The following TNR variants were observed in gnomAD, a reference collection of about 807,000 sequenced individuals.
TNR encodes tenascin R, also known as tenascin-R.
Under a neutral mutation model 150.4 loss-of-function variants are expected in TNR, and 45 were observed. The ratio of observed to expected loss-of-function variants is 0.30; its 90% confidence interval spans 0.24 to 0.38. The LOEUF (loss-of-function observed/expected upper bound fraction) is 0.38, where lower values mean the gene tolerates loss of function less well. Ranked by LOEUF, TNR falls within the 10% of genes least tolerant of loss-of-function variation. The probability of loss-of-function intolerance (pLI) is 1.00; values close to 1 mark genes in which losing one functional copy is unlikely to be tolerated. For synonymous variants in TNR, 687 were observed against 678.4 expected, an observed-to-expected ratio of 1.01 and a Z score of -0.20; for missense variants, 1,544 against 1,759.1, an observed-to-expected ratio of 0.88 and a Z score of 2.19.
chr1:175,519,453 A>T (rs1659548091), intron 2 of TNR, among the ~76,000 whole-genome samples: 1 of 152,176 alleles, frequency 6.6e-6, no homozygotes, highest in African/African-American at 2.4e-5. Context: ...AAAATGCATC[A>T]CCATGCTTCC....
chr1:175,689,968 C>A (rs1208514547), intron 1 of TNR, among the ~76,000 whole-genome samples: 1 of 152,136 alleles, frequency 6.6e-6, no homozygotes, highest in East Asian at 1.9e-4. Flanking sequence ...TTCATTGTTT[C>A]ATGTAATTGT....
chr1:175,604,810 C>A (rs1400715071), intron 1 of TNR, among the ~76,000 whole-genome samples: 1 of 152,126 alleles, frequency 6.6e-6, no homozygotes, highest in African/African-American at 2.4e-5. Flanking sequence ...ATTCTGTCAC[C>A]CTTTGCCGCA....
chr1:175,405,116 G>T (rs1239037094), intron 3 of TNR, among the ~76,000 whole-genome samples: 1 of 152,324 alleles, frequency 6.6e-6, no homozygotes, highest in South Asian at 2.1e-4. Flanking sequence ...TTGAACTCAA[G>T]ACAAATGCCT....
At chr1:175,414,880 C>CT (rs1439172056) in intron 2 of TNR, among the ~76,000 whole-genome samples, 3 of 151,192 alleles carry the variant, frequency 2.0e-5, no homozygotes, top group African/African-American at 4.9e-5. Context: ...TTTTCTTTTT[C>CT]TTTTTTTCCC....
intron 1 of TNR, among the ~76,000 whole-genome samples, chr1:175,593,789 T>C (rs77683605): frequency 0.17 from 25,277 of 151,982 alleles, 3,239 homozygotes; most frequent in African/African-American, 0.35. Context: ...GCCCAAGATA[T>C]TTGTTTTCTC....
chr1:175,564,652 T>C (rs1661566550), intron 1 of TNR, among the ~76,000 whole-genome samples: 1 of 151,488 alleles, frequency 6.6e-6, no homozygotes, highest in African/African-American at 2.4e-5. Context: ...CACATGAAAT[T>C]AAATGTTTAT....
intron 2 of TNR, among the ~76,000 whole-genome samples, chr1:175,425,188 A>ACC (rs1654917225): frequency 6.6e-6 from 1 of 152,186 alleles, no homozygotes; most frequent in South Asian, 2.1e-4. Flanking sequence ...ACAGCTCTGG[A>ACC]TTAGCACTAC....
At chr1:175,679,881 C>T (rs1665977853) in intron 1 of TNR, among the ~76,000 whole-genome samples, 1 of 152,192 alleles carries the variant, frequency 6.6e-6, no homozygotes, top group Non-Finnish European at 1.5e-5. Flanking sequence ...GATAGCAGTG[C>T]CAGTGAGATA....
At chr1:175,391,543 T>A in intron 6 of TNR, 105 bp from the exon 7 acceptor site, 1 of 1,315,746 alleles carries the variant, frequency 7.6e-7, no homozygotes, top group Non-Finnish European at 1.0e-6. Flanking sequence ...ATTGTGAATT[T>A]AAAATGGGGG....
intron 2 of TNR, among the ~76,000 whole-genome samples, chr1:175,439,627 C>T (rs1571441499): frequency 6.6e-6 from 1 of 152,200 alleles, no homozygotes. Flanking sequence ...ATCTATTCAT[C>T]TGACAAAGGA....
At chr1:175,426,737 T>C (rs1654983601) in intron 2 of TNR, among the ~76,000 whole-genome samples, 1 of 143,882 alleles carries the variant, frequency 7.0e-6, no homozygotes, top group East Asian at 2.0e-4. Flanking sequence ...TTGTCTAATG[T>C]GTGTTTATAT....
intron 1 of TNR, among the ~76,000 whole-genome samples, chr1:175,738,815 T>A (rs1368817038): frequency 6.6e-6 from 1 of 152,192 alleles, no homozygotes; most frequent in African/African-American, 2.4e-5. Context: ...TTTTGAACAA[T>A]CCCATTCCAA....
chr1:175,557,317 G>A (rs6687884), intron 1 of TNR, among the ~76,000 whole-genome samples: 70,031 of 152,016 alleles, frequency 0.46, 16,654 homozygotes, highest in East Asian at 0.68. Context: ...AATGTGTGTT[G>A]TTTTAAGCCA....
At chr1:175,721,464 C>T (rs992817965) in intron 1 of TNR, among the ~76,000 whole-genome samples, 1 of 152,110 alleles carries the variant, frequency 6.6e-6, no homozygotes, top group African/African-American at 2.4e-5. Flanking sequence ...GCTGTGTTCA[C>T]CCCACCCAGG....
intron 1 of TNR, among the ~76,000 whole-genome samples, chr1:175,631,250 GT>G (rs1664316915): frequency 1.3e-5 from 2 of 152,176 alleles, no homozygotes; most frequent in African/African-American, 4.8e-5. Flanking sequence ...GGCCTTATTT[GT>G]TAAGATAAAA....
intron 1 of TNR, among the ~76,000 whole-genome samples, chr1:175,555,436 C>T (rs1661114217): frequency 6.6e-6 from 1 of 151,428 alleles, no homozygotes; most frequent in South Asian, 2.1e-4. Flanking sequence ...CCCTCTATTC[C>T]AGAGTGTTGA....
intron 18 of TNR, among the ~76,000 whole-genome samples, chr1:175,338,539 G>C (rs1426724818): frequency 1.3e-5 from 2 of 152,206 alleles, no homozygotes; most frequent in Admixed American, 1.3e-4. Flanking sequence ...TGTGGGAAAG[G>C]GTGGTTTGGG....
At chr1:175,647,174 A>G (rs1664832694) in intron 1 of TNR, among the ~76,000 whole-genome samples, 1 of 152,212 alleles carries the variant, frequency 6.6e-6, no homozygotes, top group South Asian at 2.1e-4. Flanking sequence ...TAAAACAGCA[A>G]CTGATTTCGC....
chr1:175,386,423 G>A (rs1652934483), intron 7 of TNR, 122 bp from the exon 8 acceptor site: 11 of 1,054,722 alleles, frequency 1.0e-5, no homozygotes, highest in Non-Finnish European at 1.3e-5. Flanking sequence ...TATTGTTACT[G>A]CATTTTACAG....
Sources: gnomAD v4.1 joint callset for allele counts (sites outside exome capture counted in the v4.1 genomes callset) on GRCh38, gnomAD v4.1.1 for gene constraint, MANE v1.5 for transcripts, NCBI Gene and HGNC (gene_info 2026-07-23, HGNC 2026-07-21) for gene names.